The following STX8 variants were observed in gnomAD, a reference collection of about 807,000 sequenced individuals.
STX8 encodes syntaxin-8.
In STX8, 23 loss-of-function variants were observed where a neutral mutation model predicts 37.5. The observed-to-expected ratio is 0.61, with a 90% confidence interval of 0.44 to 0.87. The LOEUF (loss-of-function observed/expected upper bound fraction) is 0.87, where lower values mean the gene tolerates loss of function less well. STX8 is among the 40% of genes least tolerant of loss of function. STX8 has a pLI of 0.00. For synonymous variants in STX8, 115 were observed against 99.1 expected (o/e 1.16, Z -0.95); for missense variants, 313 against 284.7 (o/e 1.10, Z -0.71).
chr17:9,283,299 T>TTAG (rs1907955897), intron 7 of STX8: 1 of 152,118 alleles, frequency 6.6e-6, no homozygotes, highest in South Asian at 2.1e-4. Flanking sequence ...TTCCAGCACT[T>TTAG]TAGGAGGCTG....
intron 6 of STX8, among the ~76,000 whole-genome samples, chr17:9,435,978 G>C (rs1247518577): frequency 6.6e-6 from 1 of 152,186 alleles, no homozygotes; most frequent in East Asian, 1.9e-4. Context: ...CAGTCTGACT[G>C]TGGGAATCAA....
chr17:9,313,078 C>T (rs899642241), intron 7 of STX8, among the ~76,000 whole-genome samples: 1 of 152,104 alleles, frequency 6.6e-6, no homozygotes, highest in African/African-American at 2.4e-5. Context: ...GTAATCCCAG[C>T]TATTCAGGAG....
intron 6 of STX8, among the ~76,000 whole-genome samples, chr17:9,381,505 C>T (rs993555883): frequency 5.9e-5 from 9 of 152,190 alleles, no homozygotes; most frequent in African/African-American, 1.2e-4. Context: ...CTTCTTGCCT[C>T]CTGCAGCACT....
intron 1 of STX8, 48 bp downstream of exon 1, chr17:9,575,744 C>T: frequency 6.5e-7 from 1 of 1,544,216 alleles, no homozygotes; most frequent in Non-Finnish European, 8.7e-7. Flanking sequence ...GGAAGCCCGG[C>T]CTCCCCGAAG....
chr17:9,479,325 G>A (rs900824913), intron 6 of STX8, among the ~76,000 whole-genome samples: 3 of 152,052 alleles, frequency 2.0e-5, no homozygotes, highest in African/African-American at 7.2e-5. Context: ...CCTGAGGTCA[G>A]GAGTTTGAGA....
At chr17:9,436,299 C>G (rs967734045) in intron 6 of STX8, among the ~76,000 whole-genome samples, 1 of 150,186 alleles carries the variant, frequency 6.7e-6, no homozygotes, top group Non-Finnish European at 1.5e-5. Flanking sequence ...GAGTTGAGAT[C>G]GTGCCACTGC....
At chr17:9,521,271 G>A (rs1905329959) in intron 4 of STX8, among the ~76,000 whole-genome samples, 1 of 152,206 alleles carries the variant, frequency 6.6e-6, no homozygotes, top group Non-Finnish European at 1.5e-5. Context: ...CAAGGGAAGT[G>A]ACAAGAGGGA....
chr17:9,427,551 C>T (rs1913683519), intron 6 of STX8, among the ~76,000 whole-genome samples: 1 of 152,188 alleles, frequency 6.6e-6, no homozygotes, highest in African/African-American at 2.4e-5. Flanking sequence ...AACTCTGTAA[C>T]CAGAGCACTA....
intron 7 of STX8, among the ~76,000 whole-genome samples, chr17:9,343,176 G>C (rs6503192): frequency 2.0e-5 from 3 of 151,842 alleles, no homozygotes; most frequent in African/African-American, 7.3e-5. Context: ...AGTTCAAGAA[G>C]CAGTGGAGAT....
At chr17:9,438,237 T>C (rs1174860805) in intron 6 of STX8, among the ~76,000 whole-genome samples, 32 of 99,596 alleles carry the variant, frequency 3.2e-4, no homozygotes, top group African/African-American at 1.5e-3. Context: ...TGAGACTCCA[T>C]CTCAAAAAAA....
At chr17:9,502,028 T>C (rs1904629902) in intron 5 of STX8, among the ~76,000 whole-genome samples, 2 of 152,076 alleles carry the variant, frequency 1.3e-5, no homozygotes, top group African/African-American at 4.8e-5. Flanking sequence ...TCAGAATGGC[T>C]ATGATCAAAA....
intron 6 of STX8, among the ~76,000 whole-genome samples, chr17:9,467,913 A>T (rs971409796): frequency 8.5e-5 from 13 of 152,178 alleles, no homozygotes; most frequent in African/African-American, 3.1e-4. Flanking sequence ...TATAGGACAG[A>T]TTCCAGTTGT....
intron 7 of STX8, among the ~76,000 whole-genome samples, chr17:9,285,524 T>C (rs1908042744): frequency 6.6e-6 from 1 of 152,100 alleles, no homozygotes; most frequent in African/African-American, 2.4e-5. Flanking sequence ...AGATGGGCCT[T>C]TTCTCTAAGG....
chr17:9,310,166 A>AAC (rs905394766), intron 7 of STX8, among the ~76,000 whole-genome samples: 1 of 152,090 alleles, frequency 6.6e-6, no homozygotes, highest in South Asian at 2.1e-4. Context: ...ACAACATACA[A>AAC]ACACACACAC....
chr17:9,468,681 G>T (rs951361273), intron 6 of STX8, among the ~76,000 whole-genome samples: 3 of 151,048 alleles, frequency 2.0e-5, no homozygotes. Flanking sequence ...GTCTTCAACT[G>T]CCAGCCTCTC....
In STX8 at chr17:9,269,051, G is replaced by A. The variant is rs1443983157; in HGVS notation, c.644-18406C>T. On this transcript the variant is annotated intron_variant, in intron 7 of 7. Coordinates refer to ENST00000306357, the MANE Select transcript of STX8 (RefSeq NM_004853.3). ...AAATACAAAAAATTAGCTGGGCATG[G>A]TGGCGGGCGCCTGTAGTCCCAGCTA... 5.9e-5 allele frequency among the ~76,000 whole-genome samples: 9 copies of A among 152,096 alleles called. No individual in the cohort carries two copies. The East Asian group carries it at 1.5e-3, about 26-fold the overall frequency.
chr17:9,437,356 C>G (rs1475847544), intron 6 of STX8, among the ~76,000 whole-genome samples: 1 of 152,180 alleles, frequency 6.6e-6, no homozygotes, highest in Non-Finnish European at 1.5e-5. Flanking sequence ...GCTACAATGA[C>G]TTGCAGCTGG....
intron 4 of STX8, among the ~76,000 whole-genome samples, chr17:9,514,761 C>T (rs1341624260): frequency 6.6e-6 from 1 of 152,176 alleles, no homozygotes; most frequent in African/African-American, 2.4e-5. Context: ...TATAATTCTT[C>T]TAGCCTTGTT....
intron 7 of STX8, among the ~76,000 whole-genome samples, chr17:9,268,250 C>A (rs1907301368): frequency 6.6e-6 from 1 of 151,212 alleles, no homozygotes; most frequent in Non-Finnish European, 1.5e-5. Context: ...AGTTGTGAGC[C>A]CTGTGGGCAC....
Sources: allele counts gnomAD v4.1 joint callset (sites outside exome capture counted in the v4.1 genomes callset), GRCh38; gene constraint gnomAD v4.1.1; transcripts MANE v1.5; gene names NCBI Gene and HGNC (gene_info 2026-07-23, HGNC 2026-07-21).